The following PLEKHG7 variants were observed in gnomAD, a reference collection of about 807,000 sequenced individuals.
PLEKHG7 encodes pleckstrin homology domain-containing family G member 7.
A neutral mutation model predicts 85.2 loss-of-function variants in PLEKHG7; 77 were observed. The observed-to-expected ratio is 0.90, with a 90% CI of 0.75 to 1.09. The LOEUF (loss-of-function observed/expected upper bound fraction) is 1.09. Among genes scored for constraint, PLEKHG7 ranks in the 50% least tolerant of loss-of-function variants. The pLI, the probability that PLEKHG7 is intolerant of heterozygous loss-of-function variation, is 0.00. For synonymous variants in PLEKHG7, 301 were observed against 302.4 expected, an observed-to-expected ratio of 1.00 and a Z score of 0.05; for missense variants, 777 against 804.3, an observed-to-expected ratio of 0.97 and a Z score of 0.41.
At chr12:92,754,330 G>A (rs761965231) in intron 11 of PLEKHG7, 66 bp downstream of exon 11, 4 of 1,473,336 alleles carry the variant, frequency 2.7e-6, no homozygotes, top group South Asian at 1.2e-5. Flanking sequence ...GAAACCTTCT[G>A]GGCTTCCATC....
At chr12:92,725,730 A>C (rs1871774425) in intron 3 of PLEKHG7, among the ~76,000 whole-genome samples, 1 of 152,234 alleles carries the variant, frequency 6.6e-6, no homozygotes, top group African/African-American at 2.4e-5. Context: ...ACTAATTATA[A>C]ATTCCTAAAC....
intron 9 of PLEKHG7, among the ~76,000 whole-genome samples, chr12:92,743,897 C>G (rs1439515164): frequency 6.6e-6 from 1 of 152,108 alleles, no homozygotes; most frequent in Non-Finnish European, 1.5e-5. Flanking sequence ...TAACCAGTTA[C>G]CTCCTAGTTC....
intron 1 of PLEKHG7, 43 bp from the exon 2 acceptor site, chr12:92,706,428 C>T (rs897509564): frequency 3.5e-6 from 2 of 571,892 alleles, no homozygotes; most frequent in African/African-American, 1.9e-5. Context: ...TGCAGTCTCC[C>T]TCATTTGCTA....
intron 3 of PLEKHG7, among the ~76,000 whole-genome samples, chr12:92,720,063 G>C (rs1051713039): frequency 6.6e-6 from 1 of 152,180 alleles, no homozygotes. Context: ...CCCCATATTC[G>C]TTTCCTGTGG....
At chr12:92,758,028 C>G (rs182554428) in intron 13 of PLEKHG7, among the ~76,000 whole-genome samples, 2 of 152,338 alleles carry the variant, frequency 1.3e-5, no homozygotes, top group East Asian at 1.9e-4. Context: ...ACCCACCCCC[C>G]ACTTTCATTT....
intron 13 of PLEKHG7, 101 bp from the exon 14 acceptor site, chr12:92,761,651 A>G (rs945326647): frequency 6.9e-5 from 79 of 1,140,320 alleles, no homozygotes; most frequent in African/African-American, 1.4e-4. Context: ...AGAAAGAAAG[A>G]AAGAAAGAAA....
chr12:92,751,337 C>G (rs1186648075), intron 10 of PLEKHG7, among the ~76,000 whole-genome samples: 1 of 152,144 alleles, frequency 6.6e-6, no homozygotes, highest in Non-Finnish European at 1.5e-5. Flanking sequence ...TGAGCTCACT[C>G]TCATGGCCAG....
At chr12:92,761,620 AAAGAAGAAAGAAAG>A (rs1565797442) in intron 13 of PLEKHG7, 118 bp from the exon 14 acceptor site, 4 of 1,039,166 alleles carry the variant, frequency 3.8e-6, no homozygotes, top group African/African-American at 2.0e-5. Flanking sequence ...AGAAAGAAAG[AAAGAAGAAAGAAAG>A]AAAGAAAGAA....
Position 92,737,733 on chromosome 12 carries a change from G to GAGGGAGGA in PLEKHG7, c.939+215_939+216insGAGGAAGG. Among the ~76,000 whole-genome samples, 2 of 48,962 alleles carry GAGGGAGGA rather than the reference G, an allele frequency of 4.1e-5. 1 individual carries two copies. Among genetic ancestry groups the GAGGGAGGA allele is most frequent in the Non-Finnish European group, 9.1e-5 (2 of 21,936 alleles). The allele number at this position is 48,962 out of a possible 152,430, so 32.1% of individuals were successfully genotyped here. A position where few individuals can be genotyped will look rare whatever the true frequency, so the allele number is the denominator to read the frequency against. ...AAGAAGAGGGAGGGAAGGAAGGAGG[G>GAGGGAGGA]AGGAAGGGAGGGAGGGAGGAAGGAA... On this transcript the variant is annotated intron_variant, in intron 7 of 16. Transcript: ENST00000344636.
At chr12:92,758,899 G>A (rs1019166225) in intron 13 of PLEKHG7, among the ~76,000 whole-genome samples, 2 of 152,220 alleles carry the variant, frequency 1.3e-5, no homozygotes, top group African/African-American at 4.8e-5. Context: ...CTAAGATCAA[G>A]TGAGGAAACA....
At chr12:92,712,240 C>T (rs1030712542) in intron 3 of PLEKHG7, among the ~76,000 whole-genome samples, 1 of 152,134 alleles carries the variant, frequency 6.6e-6, no homozygotes, top group Non-Finnish European at 1.5e-5. Flanking sequence ...AAGGTCTCTC[C>T]GAATAAGATT....
intron 13 of PLEKHG7, among the ~76,000 whole-genome samples, chr12:92,758,660 G>T (rs527476816): frequency 2.6e-5 from 4 of 152,222 alleles, no homozygotes; most frequent in African/African-American, 7.2e-5. Flanking sequence ...GTCAAATGTG[G>T]TAGTATGGAC....
intron 3 of PLEKHG7, among the ~76,000 whole-genome samples, chr12:92,715,905 C>A (rs1374913090): frequency 6.6e-6 from 1 of 152,072 alleles, no homozygotes; most frequent in African/African-American, 2.4e-5. Context: ...GCCCACAAAG[C>A]CTAAAATGTT....
chr12:92,742,345 T>G (rs1872383281), intron 9 of PLEKHG7, among the ~76,000 whole-genome samples: 1 of 152,118 alleles, frequency 6.6e-6, no homozygotes, highest in African/African-American at 2.4e-5. Context: ...ATAATCAAAG[T>G]AAGATAAATG....
intron 9 of PLEKHG7, among the ~76,000 whole-genome samples, chr12:92,745,229 T>C (rs117816883): frequency 0.035 from 5,397 of 152,260 alleles, 146 homozygotes; most frequent in Non-Finnish European, 0.056. Context: ...TTTCTTTAAG[T>C]ATAGGGAGAA....
chr12:92,703,376 A>T (rs943307614), intron 1 of PLEKHG7, among the ~76,000 whole-genome samples: 2 of 152,230 alleles, frequency 1.3e-5, no homozygotes, highest in Non-Finnish European at 2.9e-5. Context: ...TATGGTGACC[A>T]TGTATTAATT....
Position 92,771,830 on chromosome 12 carries a change from A to G in PLEKHG7, c.*1635A>G, listed in dbSNP as rs1387232114. ...AGCAACCACAGACTTACATGTATAAAGGTAGTTTTCTCCCTCTGAATCTCA... is the reference window on the plus strand; with the variant it reads ...AGCAACCACAGACTTACATGTATAAGGGTAGTTTTCTCCCTCTGAATCTCA... On this transcript the variant is annotated 3_prime_UTR_variant, in exon 17 of 17. Transcript: ENST00000344636. 2.6e-5 allele frequency: 4 copies of G among 152,026 alleles called. No individual in the cohort carries two copies. Among genetic ancestry groups the G allele is most frequent in the Non-Finnish European group, 5.9e-5 (4 of 67,916 alleles). 9.4% of individuals were successfully genotyped at this position (152,026 alleles called of 1,614,324 possible).
chr12:92,707,308 G>A, intron 2 of PLEKHG7, 170 bp downstream of exon 2: 1 of 1,430,696 alleles, frequency 7.0e-7, no homozygotes, highest in South Asian at 1.6e-5. Context: ...TTAAGTGAAA[G>A]GAGGGCAGCA....
intron 14 of PLEKHG7, among the ~76,000 whole-genome samples, chr12:92,762,893 C>T (rs1217510665): frequency 4.6e-5 from 7 of 152,198 alleles, no homozygotes; most frequent in South Asian, 2.1e-4. Flanking sequence ...AATAGCTAAT[C>T]GGTGGTTGGG....
Sources: gnomAD v4.1 joint callset for allele counts (sites outside exome capture counted in the v4.1 genomes callset) on GRCh38, gnomAD v4.1.1 for gene constraint, MANE v1.5 for transcripts, NCBI Gene and HGNC (gene_info 2026-07-23, HGNC 2026-07-21) for gene names.